MAPKAP1: variants seen among roughly 807,000 people sequenced by gnomAD.
MAPKAP1 encodes the protein target of rapamycin complex 2 subunit MAPKAP1.
MAPKAP1 carries 20 observed loss-of-function variants against 65.7 expected under a neutral mutation model. The observed-to-expected ratio is 0.30, with a 90% CI of 0.21 to 0.44. The LOEUF is 0.44. Among genes scored for constraint, MAPKAP1 ranks in the 20% least tolerant of loss-of-function variants. MAPKAP1 has a pLI of 1.00. For synonymous variants in MAPKAP1, 222 were observed against 244.3 expected (o/e 0.91, Z 0.85); for missense variants, 423 against 648.0 (o/e 0.65, Z 3.77).
chr9:125,680,426 A>T (rs532430976), intron 1 of MAPKAP1, among the ~76,000 whole-genome samples: 1 of 152,272 alleles, frequency 6.6e-6, no homozygotes, highest in South Asian at 2.1e-4. Flanking sequence ...ATTGCTTTTA[A>T]ATCTCTTTCT....
At chr9:125,482,400 T>C (rs1473486760) in intron 9 of MAPKAP1, among the ~76,000 whole-genome samples, 3 of 152,230 alleles carry the variant, frequency 2.0e-5, no homozygotes, top group Non-Finnish European at 4.4e-5. Flanking sequence ...TCATATAGTA[T>C]GTACTCTTTT....
chr9:125,667,939 C>T (rs548246851), intron 3 of MAPKAP1, among the ~76,000 whole-genome samples: 22 of 152,256 alleles, frequency 1.4e-4, no homozygotes, highest in African/African-American at 5.1e-4. Context: ...GAAACATTAA[C>T]TTGATCAACA....
chr9:125,470,285 T>C (rs1853853796), intron 9 of MAPKAP1, among the ~76,000 whole-genome samples: 1 of 152,180 alleles, frequency 6.6e-6, no homozygotes, highest in Non-Finnish European at 1.5e-5. Context: ...AAACCAGAAA[T>C]GACACCCAAA....
At chr9:125,523,404 G>A (rs568362268) in intron 7 of MAPKAP1, among the ~76,000 whole-genome samples, 2 of 152,198 alleles carry the variant, frequency 1.3e-5, no homozygotes, top group Non-Finnish European at 2.9e-5. Context: ...TTAAGCAGTT[G>A]GGAGAATTCC....
chr9:125,642,142 C>G (rs1833596535), intron 4 of MAPKAP1, among the ~76,000 whole-genome samples: 1 of 150,568 alleles, frequency 6.6e-6, no homozygotes, highest in Non-Finnish European at 1.5e-5. Flanking sequence ...GAAGTCAAGG[C>G]TGTAGTAAGC....
intron 6 of MAPKAP1, among the ~76,000 whole-genome samples, chr9:125,554,293 A>G (rs972628933): frequency 4.6e-5 from 7 of 152,180 alleles, no homozygotes; most frequent in African/African-American, 1.4e-4. Context: ...ATACACAAGT[A>G]TCAGTCAGGC....
intron 3 of MAPKAP1, among the ~76,000 whole-genome samples, chr9:125,669,126 G>A (rs1834423332): frequency 1.3e-5 from 2 of 151,134 alleles, no homozygotes; most frequent in South Asian, 4.2e-4. Context: ...GCTGCAGTGA[G>A]CCGAGATGGC....
chr9:125,676,325 C>G (rs992330043), intron 1 of MAPKAP1, among the ~76,000 whole-genome samples: 2 of 152,068 alleles, frequency 1.3e-5, no homozygotes, highest in African/African-American at 4.8e-5. Flanking sequence ...TAAAAGGAAC[C>G]TACAATAGTA....
chr9:125,444,625 G>A (rs770664374), intron 10 of MAPKAP1, 27 bp from the exon 11 acceptor site: 2 of 1,547,870 alleles, frequency 1.3e-6, no homozygotes, highest in East Asian at 2.3e-5. Flanking sequence ...CTGTGTTGAG[G>A]GGTTCTGGTG....
At chr9:125,460,956 A>G (rs1853471490) in intron 10 of MAPKAP1, among the ~76,000 whole-genome samples, 1 of 152,220 alleles carries the variant, frequency 6.6e-6, no homozygotes, top group African/African-American at 2.4e-5. Flanking sequence ...GTGTAAATAA[A>G]TAGGCATGCC....
At chr9:125,634,212 C>T (rs1282545099) in intron 4 of MAPKAP1, among the ~76,000 whole-genome samples, 39 of 152,206 alleles carry the variant, frequency 2.6e-4, no homozygotes, top group Admixed American at 1.3e-4. Flanking sequence ...TACAAGTTTC[C>T]GTAGGTGTGA....
At chr9:125,581,509 G>A (rs1831624868) in intron 5 of MAPKAP1, among the ~76,000 whole-genome samples, 1 of 152,108 alleles carries the variant, frequency 6.6e-6, no homozygotes, top group South Asian at 2.1e-4. Flanking sequence ...GTCTGTTTAT[G>A]CCTTTACCCA....
At chr9:125,492,792 A>G (rs1854782446) in intron 8 of MAPKAP1, among the ~76,000 whole-genome samples, 1 of 152,190 alleles carries the variant, frequency 6.6e-6, no homozygotes, top group East Asian at 1.9e-4. Context: ...CCAACTCTAG[A>G]ACTCAACTGG....
intron 3 of MAPKAP1, among the ~76,000 whole-genome samples, chr9:125,662,775 TTAACA>T (rs1434773952): frequency 6.6e-6 from 1 of 151,916 alleles, no homozygotes; most frequent in Non-Finnish European, 1.5e-5. Flanking sequence ...TTTATAATAA[TTAACA>T]TAAATAATTT....
chr9:125,666,954 A>G (rs1834356464), intron 3 of MAPKAP1, among the ~76,000 whole-genome samples: 1 of 152,208 alleles, frequency 6.6e-6, no homozygotes, highest in Admixed American at 6.5e-5. Context: ...GGCCAGAATC[A>G]GGGAATAACA....
chr9:125,453,717 C>G (rs1283193835), intron 10 of MAPKAP1, among the ~76,000 whole-genome samples: 1 of 152,120 alleles, frequency 6.6e-6, no homozygotes, highest in African/African-American at 2.4e-5. Flanking sequence ...TAACATCATG[C>G]AGTAGTCTGG....
chr9:125,479,832 C>G (rs376398979), intron 9 of MAPKAP1, among the ~76,000 whole-genome samples: 15 of 152,150 alleles, frequency 9.9e-5, no homozygotes, highest in African/African-American at 3.6e-4. Flanking sequence ...TGGGCAAATG[C>G]CACACACTTA....
chr9:125,471,116 A>C (rs1047925406), intron 9 of MAPKAP1: 6 of 152,228 alleles, frequency 3.9e-5, no homozygotes, highest in Non-Finnish European at 5.9e-5. Context: ...CAGCTTCTTA[A>C]GGCAGCGCAG....
At chr9:125,460,891 T>C (rs566183920) in intron 10 of MAPKAP1, among the ~76,000 whole-genome samples, 2 of 152,202 alleles carry the variant, frequency 1.3e-5, no homozygotes, top group Admixed American at 6.5e-5. Context: ...GAAAAAGTCA[T>C]CAAGCACTGG....
Sources: allele counts gnomAD v4.1 joint callset (sites outside exome capture counted in the v4.1 genomes callset), GRCh38; gene constraint gnomAD v4.1.1; transcripts MANE v1.5; gene names NCBI Gene and HGNC (gene_info 2026-07-23, HGNC 2026-07-21).